IGSF9B: variants seen among roughly 807,000 people sequenced by gnomAD.
IGSF9B encodes protein turtle homolog B.
In IGSF9B, 48 loss-of-function variants were observed where a neutral mutation model predicts 143.7. The observed-to-expected ratio is 0.33, with a 90% confidence interval of 0.26 to 0.42. The LOEUF (loss-of-function observed/expected upper bound fraction) is 0.42. IGSF9B is among the 20% of genes least tolerant of loss of function. The pLI is 1.00. For missense variants in IGSF9B, 1,706 were observed against 1,980.0 expected, an observed-to-expected ratio of 0.86 and a Z score of 2.63; for synonymous variants, 903 against 833.1, an observed-to-expected ratio of 1.08 and a Z score of -1.44.
rs545296613 is a variant in IGSF9B, at chr11:133,904,171, G to A, written c.*4898C>T. ...CAAGAGGAAAGGGGGATGAAGGCAC[G>A]TCAGGCTCCAGCTCCCCCTCTCTAT... On this transcript the variant is annotated 3_prime_UTR_variant, in exon 20 of 20. Transcript: ENST00000533871. 6.6e-6 allele frequency among the ~76,000 whole-genome samples: 1 copy of A among 152,250 alleles called. No individual in the cohort carries two copies. The highest frequency in any genetic ancestry group is 1.9e-4 in the East Asian group (1 of 5,174).
intron 13 of IGSF9B, 70 bp from the exon 14 acceptor site, chr11:133,926,035 C>T (rs1258968862): frequency 1.8e-6 from 2 of 1,108,836 alleles, no homozygotes; most frequent in Non-Finnish European, 2.7e-6. Flanking sequence ...ACCCCCCACA[C>T]TCCTGTGCAC....
intron 18 of IGSF9B, chr11:133,919,094 C>G (rs749297626): frequency 8.4e-5 from 32 of 381,440 alleles, no homozygotes; most frequent in Non-Finnish European, 1.5e-4. Context: ...TGGTCTGTCT[C>G]TCTGCAGCTT....
intron 2 of IGSF9B, 60 bp from the exon 3 acceptor site, chr11:133,944,426 G>T: frequency 6.5e-7 from 1 of 1,543,436 alleles, no homozygotes; most frequent in Non-Finnish European, 8.9e-7. Context: ...GCAGCTCCCC[G>T]CCCCCTGCCC....
intron 3 of IGSF9B, among the ~76,000 whole-genome samples, chr11:133,943,723 CA>C (rs1431127776): frequency 6.6e-6 from 1 of 152,216 alleles, no homozygotes; most frequent in African/African-American, 2.4e-5. Context: ...GTTTATCCAT[CA>C]TCAGCTGCAG....
rs932943837 is a variant in IGSF9B, at chr11:133,921,102, C to T, written c.2623G>A (p.Glu875Lys). The change falls in exon 18 of 20, where the codon GAG (glutamate) becomes AAG (lysine). Residue 875 changes from glutamate to lysine, a missense_variant. Physicochemically the swap from Glu to Lys is moderately conservative, Grantham distance 56 (BLOSUM62 1). Around this residue, in one of 7 missense-constraint regions of IGSF9B, gnomAD observed 880 missense variants for 762.9 expected, o/e 1.15. Coordinates refer to ENST00000533871, the MANE Select transcript of IGSF9B (RefSeq NM_001277285.4). ...MEPSLKSRRIEGFPFAEETDM... is the reference protein window; with the variant it reads ...MEPSLKSRRIKGFPFAEETDM... ...GTCTCCTCGGCGAAGGGGAAGCCCT[C>T]GATGCGCCTGCTCTTCAGCGAGGGC... is the stretch of plus-strand genomic sequence containing the variant. 1.9e-6 allele frequency: 3 copies of T among 1,613,878 alleles called. No individual in the cohort carries two copies. The highest frequency in any genetic ancestry group is 2.7e-5 in the African/African-American group (2 of 75,064).
At chr11:133,949,051 G>A (rs1248819007) in intron 1 of IGSF9B, among the ~76,000 whole-genome samples, 1 of 152,118 alleles carries the variant, frequency 6.6e-6, no homozygotes. Context: ...CCAGCCCCTG[G>A]GCTAAGCGCT....
chr11:133,921,623 G>A (rs1243671807), intron 17 of IGSF9B, among the ~76,000 whole-genome samples: 1 of 151,732 alleles, frequency 6.6e-6, no homozygotes, highest in African/African-American at 2.4e-5. Context: ...GACTGGTCTT[G>A]AACTCCTGGC....
At chr11:133,924,634 C>T (rs1478388390) in intron 15 of IGSF9B, among the ~76,000 whole-genome samples, 186 bp downstream of exon 15, 1 of 152,126 alleles carries the variant, frequency 6.6e-6, no homozygotes, top group Non-Finnish European at 1.5e-5. Flanking sequence ...CACGAAATAG[C>T]ATGCATCATG....
rs776590595 is a variant in IGSF9B at position 133,946,249 on chromosome 11, C to T, written c.74G>A (p.Gly25Asp). The change falls in exon 2 of 20, where the codon GGC becomes GAC. Residue 25 changes from glycine to aspartate, a missense_variant. By Grantham distance (94) the Gly-to-Asp change is moderately conservative (BLOSUM62 -1). This residue lies in a region of IGSF9B where 171 missense variants were observed against 213.9 expected (regional missense o/e 0.80). Transcript: ENST00000533871. The part of the protein sequence containing the change: ...TRGLAAEGAH[G>D]LREEPEFVTA... ...CACAAACTCGGGCTCCTCTCGCAGGCCGTGGGCGCCTGATGGGGACGGCCA... is the reference window on the plus strand; with the variant it reads ...CACAAACTCGGGCTCCTCTCGCAGGTCGTGGGCGCCTGATGGGGACGGCCA... The T allele has an allele frequency of 1.2e-6, 2 of 1,613,316 alleles. No individual in the cohort carries two copies. Among genetic ancestry groups the T allele is most frequent in the South Asian group, 2.2e-5 (2 of 90,916 alleles).
intron 14 of IGSF9B, among the ~76,000 whole-genome samples, 199 bp from the exon 15 acceptor site, chr11:133,925,103 C>A (rs1939600885): frequency 6.6e-6 from 1 of 152,154 alleles, no homozygotes; most frequent in African/African-American, 2.4e-5. Context: ...TGACTTCAAG[C>A]TACGAACGTG....
chr11:133,956,362 G>A (rs1165784808), intron 1 of IGSF9B, among the ~76,000 whole-genome samples: 3 of 152,120 alleles, frequency 2.0e-5, no homozygotes, highest in Non-Finnish European at 4.4e-5. Flanking sequence ...CGCCGGGCAG[G>A]AGGCGACGGG....
chr11:133,938,104 T>C lies in IGSF9B; in HGVS notation c.410-143A>G, dbSNP rs75154142. ...GAAGGAAGGTGGGGATGGGAAAAAC[T>C]TTCTGCCTACCAACATCACTGGCAG... On this transcript the variant is annotated intron_variant, in intron 3 of 19. Transcript: ENST00000533871. 4,651 of 911,648 alleles carry C rather than the reference T, an allele frequency of 5.1e-3. 21 individuals carry two copies. The highest frequency in any genetic ancestry group is 7.0e-3 in the Non-Finnish European group (4,264 of 611,524). The allele number at this position is 911,648 out of a possible 1,614,324, so 56.5% of individuals were successfully genotyped here.
intron 1 of IGSF9B, among the ~76,000 whole-genome samples, chr11:133,950,358 T>G (rs78785033): frequency 0.018 from 2,733 of 152,304 alleles, 57 homozygotes; most frequent in Middle Eastern, 0.054. Flanking sequence ...CACCCTAGGC[T>G]CTGTGCTGGG....
At position 133,911,914 on chromosome 11, in the gene IGSF9B, C is replaced by G; in HGVS notation, c.4077G>C (p.Lys1359Asn). The G allele has an allele frequency of 6.5e-7, 1 of 1,534,598 alleles. No homozygotes were observed. Among genetic ancestry groups the G allele is most frequent in the Non-Finnish European group, 8.7e-7 (1 of 1,146,398 alleles). ...ATCGTTTCTTTGACTTCGAAGAGCC[C>G]TTGGATGACTTTTTGGGCTTCTTTA... ...QRIKKPKKSS[K>N]GSSKSKKRSD... Residue 1359 changes from lysine to asparagine, a missense_variant, in exon 19 of 20, where the codon AAG becomes AAC. Transcript: ENST00000533871.
At chr11:133,922,807 T>C in intron 15 of IGSF9B, 77 bp from the exon 16 acceptor site, 3 of 1,332,008 alleles carry the variant, frequency 2.3e-6, no homozygotes, top group East Asian at 2.5e-5. Context: ...AGTCCCCAAG[T>C]GTTTCACCCT....
Position 133,899,730 on chromosome 11 carries a change from T to C in IGSF9B, c.*9339A>G, listed in dbSNP as rs1327350464. On this transcript the variant is annotated 3_prime_UTR_variant, in exon 20 of 20. Coordinates refer to ENST00000533871, the MANE Select transcript of IGSF9B (RefSeq NM_001277285.4). Reference sequence around the variant, plus strand: ...CCACAGAAAGAGAGGGGATGGTGGGTCTAGAAGCCAACAGAACAGTAATGG... The same window carrying C: ...CCACAGAAAGAGAGGGGATGGTGGGCCTAGAAGCCAACAGAACAGTAATGG... 1 of 152,258 alleles carries C rather than the reference T, an allele frequency of 6.6e-6. No homozygotes were observed. Among genetic ancestry groups the C allele is most frequent in the Non-Finnish European group, 1.5e-5 (1 of 68,124 alleles). 9.4% of individuals were successfully genotyped at this position (152,258 alleles called of 1,614,324 possible).
intron 3 of IGSF9B, among the ~76,000 whole-genome samples, chr11:133,939,739 G>C (rs1034075144): frequency 6.6e-6 from 1 of 152,096 alleles, no homozygotes; most frequent in South Asian, 2.1e-4. Context: ...CACGCACCTC[G>C]CACGTCCTTG....
In IGSF9B at chr11:133,946,941, C is replaced by T. The variant is rs1473721793; in HGVS notation, c.65-683G>A. Among the ~76,000 whole-genome samples, 3 of 152,232 alleles carry T rather than the reference C, an allele frequency of 2.0e-5. No homozygotes were observed. The East Asian group carries it at 5.8e-4, about 29-fold the overall frequency. On this transcript the variant is annotated intron_variant, in intron 1 of 19. Coordinates refer to ENST00000533871, the MANE Select transcript of IGSF9B (RefSeq NM_001277285.4). ...CCTCCTCCCAGCACAGTTCTGCCAG[C>T]CCTGCCGCAGAGGGGGGAGTGGGAG...
chr11:133,921,358 C>T lies in IGSF9B; in HGVS notation c.2367G>A (p.Thr789=), dbSNP rs779029258. The change falls in exon 18 of 20, where the codon ACG becomes ACA. Residue 789 remains threonine, a synonymous_variant. Transcript: ENST00000533871. ...SGKVSPESIR[T]LRAPSESSDD... is the part of the protein sequence containing the mutation. ...CGGAGGATTCTGACGGCGCTCGGAG[C>T]GTGCGGATGCTCTCGGGGCTCACCT... 11 of 1,560,308 alleles carry T rather than the reference C, an allele frequency of 7.0e-6. No homozygotes were observed. Among genetic ancestry groups the T allele is most frequent in the South Asian group, 2.4e-5 (2 of 84,158 alleles).
Sources: allele counts gnomAD v4.1 joint callset (sites outside exome capture counted in the v4.1 genomes callset), GRCh38; gene constraint gnomAD v4.1.1; regional missense constraint gnomAD v4.1.1; transcripts MANE v1.5; gene names NCBI Gene and HGNC (gene_info 2026-07-23, HGNC 2026-07-21).